Variants in NBAS observed in about 807,000 individuals in gnomAD.
NBAS encodes the protein NAG/BC035112 fusion.
In NBAS, 219 loss-of-function variants were observed where a neutral mutation model predicts 302.5. The ratio of observed to expected loss-of-function variants is 0.72; its 90% CI spans 0.65 to 0.81. The LOEUF is 0.81. Among genes scored for constraint, NBAS ranks in the 30% least tolerant of loss-of-function variants. The pLI is 0.00. For missense variants in NBAS, 2,932 were observed against 2,841.6 expected (o/e 1.03, Z -0.72); for synonymous variants, 1,118 against 1,021.6 (o/e 1.09, Z -1.80).
At chr2:14,786,627 C>T in the NBAS span, among the ~76,000 whole-genome samples, 92 of 152,096 alleles carry the variant, frequency 6.0e-4, no homozygotes, top group African/African-American at 1.9e-3. Flanking sequence ...TGTAGTTGAG[C>T]GGTTTTGAGT....
the NBAS span, among the ~76,000 whole-genome samples, chr2:14,854,768 T>C: frequency 1.3e-5 from 2 of 152,124 alleles, no homozygotes; most frequent in African/African-American, 4.8e-5. Flanking sequence ...CTGTTAAAAC[T>C]TGAGCTCCTG....
At chr2:14,967,674 T>A in the NBAS span, among the ~76,000 whole-genome samples, 1 of 151,952 alleles carries the variant, frequency 6.6e-6, no homozygotes, top group African/African-American at 2.4e-5. Context: ...AGCTACAATA[T>A]CAAAAGCACA....
the NBAS span, among the ~76,000 whole-genome samples, chr2:14,816,055 C>A: frequency 2.6e-5 from 4 of 152,182 alleles, no homozygotes; most frequent in African/African-American, 9.7e-5. Context: ...CTCTCTACTG[C>A]ATCCAAAATG....
the NBAS span, among the ~76,000 whole-genome samples, chr2:14,893,753 GT>G: frequency 2.0e-5 from 3 of 152,144 alleles, no homozygotes; most frequent in African/African-American, 7.2e-5. Flanking sequence ...CATCCTAGCA[GT>G]TTTTGCAGTG....
chr2:15,101,093 T>C, the NBAS span, among the ~76,000 whole-genome samples: 1 of 152,218 alleles, frequency 6.6e-6, no homozygotes, highest in South Asian at 2.1e-4. Context: ...CAGCCACCAG[T>C]GCCCTGTTCC....
chr2:15,122,141 T>C, the NBAS span, among the ~76,000 whole-genome samples: 42 of 151,924 alleles, frequency 2.8e-4, no homozygotes, highest in Non-Finnish European at 5.6e-4. Flanking sequence ...CCTGTTTTTT[T>C]TTTTTTCTTT....
chr2:15,429,721 A>G (rs1197867338), intron 21 of NBAS, among the ~76,000 whole-genome samples: 1 of 152,232 alleles, frequency 6.6e-6, no homozygotes, highest in Non-Finnish European at 1.5e-5. Flanking sequence ...TCCAGTTAGC[A>G]TGTAATATCC....
chr2:15,349,414 C>G (rs779708690), intron 35 of NBAS, among the ~76,000 whole-genome samples: 5 of 152,136 alleles, frequency 3.3e-5, no homozygotes, highest in Non-Finnish European at 7.3e-5. Flanking sequence ...AGTTGCTAGT[C>G]AGTACAACTA....
chr2:15,549,371 G>A (rs1444423344), intron 6 of NBAS, among the ~76,000 whole-genome samples: 1 of 152,100 alleles, frequency 6.6e-6, no homozygotes. Context: ...AAGAAACCAA[G>A]TAAAAAATGT....
chr2:14,914,457 G>T, the NBAS span, among the ~76,000 whole-genome samples: 1 of 152,200 alleles, frequency 6.6e-6, no homozygotes, highest in Admixed American at 6.5e-5. Context: ...GGATGTGATT[G>T]GCTTGTTTAA....
intron 39 of NBAS, 124 bp from the exon 40 acceptor site, chr2:15,308,477 CTCAAGA>C (rs1671129299): frequency 8.3e-6 from 10 of 1,210,808 alleles, no homozygotes; most frequent in Non-Finnish European, 1.2e-5. Flanking sequence ...TCAACTCAAG[CTCAAGA>C]TCAACTTAAT....
chr2:15,493,048 C>T (rs926456608), intron 11 of NBAS, among the ~76,000 whole-genome samples: 1 of 152,070 alleles, frequency 6.6e-6, no homozygotes, highest in Non-Finnish European at 1.5e-5. Context: ...ACAGATTTTC[C>T]CCATGCTGTT....
chr2:15,329,281 C>T (rs536416507), intron 36 of NBAS, among the ~76,000 whole-genome samples: 65 of 152,260 alleles, frequency 4.3e-4, no homozygotes, highest in East Asian at 7.7e-4. Flanking sequence ...TCTCACTAAA[C>T]GGCATCTTCA....
chr2:14,945,685 CA>C, the NBAS span, among the ~76,000 whole-genome samples: 1 of 146,592 alleles, frequency 6.8e-6, no homozygotes. Flanking sequence ...ATGGATCAAG[CA>C]AAAAAAAAGA....
At chr2:14,972,856 G>A in the NBAS span, among the ~76,000 whole-genome samples, 12,717 of 152,278 alleles carry the variant, frequency 0.084, 1,408 homozygotes, top group African/African-American at 0.24. Flanking sequence ...GCCCTCGGCT[G>A]TCTCCAGGGA....
chr2:15,285,216 TA>T (rs918656622), intron 42 of NBAS, among the ~76,000 whole-genome samples: 3 of 152,208 alleles, frequency 2.0e-5, no homozygotes, highest in Non-Finnish European at 4.4e-5. Context: ...AAGGAAATGT[TA>T]AAATTTCTAA....
At chr2:15,071,397 G>A in the NBAS span, among the ~76,000 whole-genome samples, 4 of 152,210 alleles carry the variant, frequency 2.6e-5, no homozygotes, top group Non-Finnish European at 4.4e-5. Flanking sequence ...AGGCCAAGGC[G>A]GGCAGATCAC....
At chr2:14,801,745 C>G in the NBAS span, among the ~76,000 whole-genome samples, 1 of 152,018 alleles carries the variant, frequency 6.6e-6, no homozygotes, top group African/African-American at 2.4e-5. Flanking sequence ...ATTTTGTATT[C>G]CTATAAATAT....
rs1322002589 is a variant in NBAS, at chr2:15,277,087, T to G, written c.5153A>C (p.Glu1718Ala). The G allele has an allele frequency of 1.1e-5, 18 of 1,613,646 alleles. No individual in the cohort carries two copies. The highest frequency in any genetic ancestry group is 1.5e-5 in the Non-Finnish European group (18 of 1,179,860). The change falls in exon 43 of 52, where the codon GAA becomes GCA. Residue 1718 changes from glutamate to alanine, a missense_variant. Transcript: ENST00000281513. ...LFTDSGLSTL[E>A]IENRAQDLHL... Reference sequence around the variant, plus strand: ...AAGGTCTTGGGCTCTATTTTCAATTTCTAGTGTGGACAAACTGAAATTAAG... The same window carrying G: ...AAGGTCTTGGGCTCTATTTTCAATTGCTAGTGTGGACAAACTGAAATTAAG...
Sources: gnomAD v4.1 joint callset for allele counts (sites outside exome capture counted in the v4.1 genomes callset) on GRCh38, gnomAD v4.1.1 for gene constraint, MANE v1.5 for transcripts, NCBI Gene and HGNC (gene_info 2026-07-23, HGNC 2026-07-21) for gene names.